The following MYT1L variants were observed in gnomAD, a reference collection of about 807,000 sequenced individuals.
The protein encoded by MYT1L is myelin transcription factor 1-like protein.
A neutral mutation model predicts 126.7 loss-of-function variants in MYT1L; 12 were observed. The observed-to-expected ratio is 0.09, with a 90% CI of 0.06 to 0.15. The LOEUF (loss-of-function observed/expected upper bound fraction) is 0.15, where lower values mean the gene tolerates loss of function less well. Ranked by LOEUF, MYT1L falls within the 10% of genes least tolerant of loss-of-function variation. MYT1L has a pLI of 1.00. For missense variants in MYT1L, 979 were observed against 1,585.2 expected (o/e 0.62, Z 6.49); for synonymous variants, 541 against 604.2 (o/e 0.90, Z 1.53).
At chr2:1,823,981 T>C (rs1362226455) in intron 21 of MYT1L, among the ~76,000 whole-genome samples, 2 of 149,828 alleles carry the variant, frequency 1.3e-5, no homozygotes, top group African/African-American at 2.5e-5. Flanking sequence ...GCACGACCCA[T>C]GGGATGAGGC....
chr2:2,215,655 G>A (rs2093654679), intron 2 of MYT1L, among the ~76,000 whole-genome samples: 1 of 152,142 alleles, frequency 6.6e-6, no homozygotes, highest in Admixed American at 6.5e-5. Context: ...GGATATAAGA[G>A]GTTTGAACAC....
At chr2:2,219,806 C>A (rs1220904960) in intron 2 of MYT1L, among the ~76,000 whole-genome samples, 5 of 152,166 alleles carry the variant, frequency 3.3e-5, no homozygotes, top group African/African-American at 1.2e-4. Flanking sequence ...GACCCTGTCT[C>A]CTTTTTTCGG....
At chr2:1,915,144 T>A (rs1445655636) in intron 11 of MYT1L, among the ~76,000 whole-genome samples, 1 of 152,196 alleles carries the variant, frequency 6.6e-6, no homozygotes, top group Non-Finnish European at 1.5e-5. Context: ...TGACACAGTG[T>A]GCTGCTGGTT....
intron 4 of MYT1L, among the ~76,000 whole-genome samples, chr2:1,998,832 A>G (rs188855740): frequency 6.6e-6 from 1 of 152,020 alleles, no homozygotes; most frequent in Admixed American, 6.5e-5. Context: ...CACAATTCCT[A>G]CCCGCCTTTG....
chr2:2,179,658 TGAGG>T (rs1488909904), intron 2 of MYT1L, among the ~76,000 whole-genome samples: 6 of 152,174 alleles, frequency 3.9e-5, no homozygotes, highest in East Asian at 1.9e-4. Flanking sequence ...CTTTAGTGAG[TGAGG>T]AACAGTAGGA....
chr2:1,934,959 G>A (rs926859575), intron 9 of MYT1L, among the ~76,000 whole-genome samples: 1 of 152,146 alleles, frequency 6.6e-6, no homozygotes, highest in Non-Finnish European at 1.5e-5. Flanking sequence ...GCTAGATTGG[G>A]AGGGAAATTG....
At chr2:2,113,948 GATAGGAAAATAGTTATGAAA>G (rs1338499327) in intron 3 of MYT1L, among the ~76,000 whole-genome samples, 21 of 151,708 alleles carry the variant, frequency 1.4e-4, no homozygotes, top group Non-Finnish European at 2.5e-4. Context: ...CCATTACACA[GATAGGAAAATAGTTATGAAA>G]ACATTACTGC....
chr2:1,894,128 G>A (rs987288239), intron 14 of MYT1L, among the ~76,000 whole-genome samples: 3 of 152,258 alleles, frequency 2.0e-5, no homozygotes, highest in African/African-American at 4.8e-5. Flanking sequence ...ATCTGAATGA[G>A]CAAAGCCACT....
At chr2:2,179,796 CT>C (rs1283239895) in intron 2 of MYT1L, among the ~76,000 whole-genome samples, 1 of 152,200 alleles carries the variant, frequency 6.6e-6, no homozygotes, top group Admixed American at 6.5e-5. Flanking sequence ...GTTTAAGCTG[CT>C]TTGTCCTCTC....
At chr2:1,919,070 T>C (rs1041463404) in intron 10 of MYT1L, among the ~76,000 whole-genome samples, 1 of 152,210 alleles carries the variant, frequency 6.6e-6, no homozygotes, top group African/African-American at 2.4e-5. Flanking sequence ...GTGTAAGGTG[T>C]ATCTATTATT....
intron 21 of MYT1L, among the ~76,000 whole-genome samples, chr2:1,813,987 A>C (rs1168707412): frequency 1.1e-4 from 15 of 137,410 alleles, no homozygotes; most frequent in Non-Finnish European, 1.7e-4. Context: ...AGATCGCGCC[A>C]CTGCACTCCA....
rs984174633 is a variant in MYT1L at position 1,917,973 on chromosome 2, C to T, written c.1484-634G>A. 4.6e-5 allele frequency among the ~76,000 whole-genome samples: 7 copies of T among 152,192 alleles called. No individual in the cohort carries two copies. Among genetic ancestry groups the T allele is most frequent in the African/African-American group, 9.6e-5 (4 of 41,530 alleles). ...TGGAAAGCCCACCTGACAGAGGTGA[C>T]GGGTAATCAACATGTTTCAGAAGCC... On this transcript the variant is annotated intron_variant, in intron 10 of 24. Coordinates refer to ENST00000647738, the MANE Select transcript of MYT1L (RefSeq NM_001303052.2). This position sits in a 1 kb window ranked among gnomAD's most constrained non-coding sequence, Gnocchi z 5.9.
intron 4 of MYT1L, among the ~76,000 whole-genome samples, chr2:2,021,636 G>A (rs977057458): frequency 9.2e-5 from 14 of 152,178 alleles, no homozygotes; most frequent in Admixed American, 2.0e-4. Flanking sequence ...GGTGGCCCAC[G>A]CCTAAAATCC....
chr2:2,061,799 A>C (rs1390116937), intron 3 of MYT1L, among the ~76,000 whole-genome samples: 1 of 152,150 alleles, frequency 6.6e-6, no homozygotes, highest in Non-Finnish European at 1.5e-5. Flanking sequence ...CAGGAAGAAA[A>C]GGTCTTTCAA....
chr2:1,837,946 C>G (rs1433165878), intron 21 of MYT1L, among the ~76,000 whole-genome samples: 1 of 150,164 alleles, frequency 6.7e-6, no homozygotes, highest in African/African-American at 2.5e-5. Context: ...GAGTGTTGCT[C>G]TGTCACCCAG....
At chr2:1,891,903 G>A (rs2048928396) in intron 15 of MYT1L, 134 bp downstream of exon 15, 1 of 1,399,036 alleles carries the variant, frequency 7.1e-7, no homozygotes, top group Non-Finnish European at 9.3e-7. Context: ...TGTTCACAGT[G>A]GCGAGAATGG....
chr2:1,939,939 G>A (rs1436152723), intron 9 of MYT1L, among the ~76,000 whole-genome samples: 5 of 152,236 alleles, frequency 3.3e-5, no homozygotes, highest in Non-Finnish European at 7.3e-5. Context: ...TATGTCTTAG[G>A]AGAAATGCAT....
chr2:2,304,154 C>T (rs754928658), intron 1 of MYT1L: 22 of 152,190 alleles, frequency 1.4e-4, no homozygotes, highest in Non-Finnish European at 2.9e-5. Context: ...AATTCCAAAT[C>T]CGTCTAAAAA....
At chr2:1,859,921 T>A (rs1406822296) in intron 18 of MYT1L, among the ~76,000 whole-genome samples, 1 of 152,238 alleles carries the variant, frequency 6.6e-6, no homozygotes. Flanking sequence ...GGGCTTGTTT[T>A]CTGGGGATTC....
Sources: allele counts gnomAD v4.1 joint callset (sites outside exome capture counted in the v4.1 genomes callset), GRCh38; gene constraint gnomAD v4.1.1; non-coding constraint Gnocchi (gnomAD v3.1); transcripts MANE v1.5; gene names NCBI Gene and HGNC (gene_info 2026-07-23, HGNC 2026-07-21).